The following GLOD4 variants were observed in gnomAD, a reference collection of about 807,000 sequenced individuals.
The protein encoded by GLOD4 is glyoxalase domain containing 4.
In GLOD4, 44 loss-of-function variants were observed where a neutral mutation model predicts 39.1. The observed-to-expected ratio is 1.13, with a 90% CI of 0.88 to 1.45. The LOEUF (loss-of-function observed/expected upper bound fraction) is 1.45, where lower values mean the gene tolerates loss of function less well. Among genes scored for constraint, GLOD4 ranks in the 40% most tolerant of loss-of-function variants. GLOD4 has a pLI of 0.00. For synonymous variants in GLOD4, 145 were observed against 135.0 expected (o/e 1.07, Z -0.52); for missense variants, 405 against 366.4 (o/e 1.11, Z -0.86).
intron 1 of GLOD4, among the ~76,000 whole-genome samples, chr17:779,144 G>A (rs61284341): frequency 0.016 from 2,424 of 151,636 alleles, 66 homozygotes; most frequent in African/African-American, 0.055. Context: ...GTGAAACCCC[G>A]TCTCAACTAA....
At chr17:778,328 C>T (rs1909299238) in intron 2 of GLOD4, 1 of 375,388 alleles carries the variant, frequency 2.7e-6, no homozygotes, top group Non-Finnish European at 4.7e-6. Flanking sequence ...GAGCCCTTAA[C>T]TTGCAGGATC....
intron 8 of GLOD4, chr17:763,609 ATTTTTAGTAT>A (rs1905930003): frequency 6.6e-6 from 1 of 152,176 alleles, no homozygotes; most frequent in Non-Finnish European, 1.5e-5. Flanking sequence ...TTATTTACAT[ATTTTTAGTAT>A]AAATAGAGAG....
chr17:773,886 T>C (rs1444942588), intron 4 of GLOD4, among the ~76,000 whole-genome samples: 1 of 152,082 alleles, frequency 6.6e-6, no homozygotes, highest in African/African-American at 2.4e-5. Context: ...TGCACAGAAG[T>C]GGGTAATTCA....
intron 4 of GLOD4, 52 bp from the exon 5 acceptor site, chr17:771,513 G>C: frequency 9.3e-7 from 1 of 1,073,686 alleles, no homozygotes; most frequent in Non-Finnish European, 1.3e-6. Context: ...GAATAAAATA[G>C]AAAGACCAAA....
At chr17:779,143 C>T (rs1039658379) in intron 1 of GLOD4, among the ~76,000 whole-genome samples, 3 of 151,742 alleles carry the variant, frequency 2.0e-5, no homozygotes, top group Non-Finnish European at 4.4e-5. Context: ...AGTGAAACCC[C>T]GTCTCAACTA....
Position 782,210 on chromosome 17 carries a change from G to C in GLOD4, c.46C>G (p.Arg16Gly), listed in dbSNP as rs760700323. Residue 16 changes from arginine to glycine, a missense_variant, in exon 1 of 9, where the codon CGC becomes GGC. Arg to Gly is a moderately radical substitution (Grantham distance 125). Transcript: ENST00000301329. Reference sequence around the variant, plus strand: ...CGATAGAAACGCGCCGTCTGGAAGCGGTTTCCCACTTTGAATACGAAGTGC... The same window carrying C: ...CGATAGAAACGCGCCGTCTGGAAGCCGTTTCCCACTTTGAATACGAAGTGC... ...ALHFVFKVGNRFQTARFYRDV... is the reference protein window; with the variant it reads ...ALHFVFKVGNGFQTARFYRDV... 2 of 1,613,418 alleles carry C rather than the reference G, an allele frequency of 1.2e-6. No homozygotes were observed. The highest frequency in any genetic ancestry group is 2.2e-5 in the East Asian group (1 of 44,870).
rs1567786320 is a variant in GLOD4, at chr17:759,565, GCA to G, written c.*606_*607del. The G allele has an allele frequency of 6.6e-6, 1 of 152,052 alleles. No homozygotes were observed. The highest frequency in any genetic ancestry group is 1.9e-4 in the East Asian group (1 of 5,200). 9.4% of individuals were successfully genotyped at this position (152,052 alleles called of 1,614,324 possible). On this transcript the variant is annotated 3_prime_UTR_variant, in exon 9 of 9. Coordinates refer to ENST00000301329, the MANE Select transcript of GLOD4 (RefSeq NM_016080.4). ...AAAATATATACACAGAAAGAAGCTC[GCA>G]CAGAGTCAGGCGTGCAGCAACGTCA...
rs761834345 is a variant in GLOD4, at chr17:773,654, G to A, written c.406+2121C>T. Among the ~76,000 whole-genome samples, 5 of 152,126 alleles carry A rather than the reference G, an allele frequency of 3.3e-5. No individual in the cohort carries two copies. In the South Asian group the frequency reaches 8.3e-4, roughly 25 times the overall value. On this transcript the variant is annotated intron_variant, in intron 4 of 8. Transcript: ENST00000301329. ...GTGACTTTCTAAAGAGCTGTTCCAC[G>A]TCTCCATCTGACTACGATAAATTCA...
At chr17:760,375 AAAGAG>A (rs961523882) in intron 8 of GLOD4, 137 bp from the exon 9 acceptor site, 42 of 612,388 alleles carry the variant, frequency 6.9e-5, no homozygotes, top group Non-Finnish European at 1.0e-4. Context: ...GCTCCAAAAA[AAAGAG>A]AAGAGAAATA....
chr17:772,746 A>G (rs145452935), intron 4 of GLOD4, among the ~76,000 whole-genome samples: 248 of 152,344 alleles, frequency 1.6e-3, no homozygotes, highest in Non-Finnish European at 3.0e-3. Context: ...CTGTAATCCC[A>G]GCACTTTGGG....
chr17:774,315 C>G (rs1567793580), intron 4 of GLOD4, among the ~76,000 whole-genome samples: 1 of 152,302 alleles, frequency 6.6e-6, no homozygotes, highest in East Asian at 1.9e-4. Flanking sequence ...GGAGGCCGAC[C>G]AGTGAAGAAG....
At chr17:766,878 G>A (rs766998923) in intron 8 of GLOD4, among the ~76,000 whole-genome samples, 4 of 152,166 alleles carry the variant, frequency 2.6e-5, no homozygotes, top group East Asian at 1.9e-4. Context: ...CACCCTGGGC[G>A]ACAGAGCTAG....
chr17:785,135 C>A (rs1229368115), upstream of GLOD4, among the ~76,000 whole-genome samples: 1 of 151,796 alleles, frequency 6.6e-6, no homozygotes, highest in Non-Finnish European at 1.5e-5. Context: ...GATAATTATA[C>A]ATAAAGAGTT....
At position 782,223 on chromosome 17, in the gene GLOD4, G is replaced by A. The variant is rs181919578; in HGVS notation, c.33C>T (p.Phe11=). The change falls in exon 1 of 9, where the codon TTC becomes TTT. Residue 11 remains phenylalanine (F), a synonymous_variant. Transcript: ENST00000301329. MAARRALHFV[F]KVGNRFQTAR... ...CCGTCTGGAAGCGGTTTCCCACTTT[G>A]AATACGAAGTGCAGAGCTCTGCGAG... The A allele has an allele frequency of 2.5e-6, 4 of 1,613,584 alleles. No individual in the cohort carries two copies. Among genetic ancestry groups the A allele is most frequent in the Non-Finnish European group, 3.4e-6 (4 of 1,179,762 alleles).
chr17:760,266 G>A, intron 8 of GLOD4, 28 bp from the exon 9 acceptor site: 1 of 1,277,398 alleles, frequency 7.8e-7, no homozygotes, highest in Non-Finnish European at 1.1e-6. Flanking sequence ...AATATACACT[G>A]ACTCCAAGCC....
At chr17:782,987 C>T (rs1411086325), upstream of GLOD4, 6 of 1,494,104 alleles carry the variant, frequency 4.0e-6, no homozygotes, top group East Asian at 2.3e-5. Flanking sequence ...CGCGCCCGGC[C>T]CTCTCCGTAG....
At chr17:760,332 AAAAT>A (rs779110709) in intron 8 of GLOD4, 94 bp from the exon 9 acceptor site, 6 of 711,580 alleles carry the variant, frequency 8.4e-6, no homozygotes, top group Non-Finnish European at 1.5e-5. Flanking sequence ...CACAATAAAA[AAAAT>A]TAACATTAAA....
upstream of GLOD4, among the ~76,000 whole-genome samples, chr17:785,188 TATC>T (rs1910478520): frequency 6.6e-6 from 1 of 152,148 alleles, no homozygotes; most frequent in Non-Finnish European, 1.5e-5. Flanking sequence ...ACTAAAAGGT[TATC>T]ATTATCACCT....
At chr17:767,514 C>T (rs956720577) in intron 8 of GLOD4, among the ~76,000 whole-genome samples, 7 of 146,696 alleles carry the variant, frequency 4.8e-5, no homozygotes, top group African/African-American at 1.9e-4. Context: ...GGAGAAACAG[C>T]GCGCACTCAG....
Sources: allele counts gnomAD v4.1 joint callset (sites outside exome capture counted in the v4.1 genomes callset), GRCh38; gene constraint gnomAD v4.1.1; transcripts MANE v1.5; gene names NCBI Gene and HGNC (gene_info 2026-07-23, HGNC 2026-07-21).